ANK2: variants seen among roughly 807,000 people sequenced by gnomAD.
The protein encoded by ANK2 is ankyrin 2.
ANK2 carries 83 observed loss-of-function variants against 360.5 expected under a neutral mutation model. The observed-to-expected ratio is 0.23, with a 90% CI of 0.19 to 0.28. The LOEUF (loss-of-function observed/expected upper bound fraction) is 0.28, where lower values mean the gene tolerates loss of function less well. ANK2 is among the 10% of genes least tolerant of loss of function. The pLI is 1.00. For synonymous variants in ANK2, 1,740 were observed against 1,759.5 expected (o/e 0.99, Z 0.28); for missense variants, 4,201 against 4,795.7 (o/e 0.88, Z 3.66).
chr4:112,713,575 C>CA, the ANK2 span, among the ~76,000 whole-genome samples: 8 of 150,706 alleles, frequency 5.3e-5, no homozygotes, highest in South Asian at 2.1e-4. Flanking sequence ...GTCTCAAAAA[C>CA]AAAAAAAATT....
chr4:112,809,257 A>G, the ANK2 span, among the ~76,000 whole-genome samples: 1 of 149,168 alleles, frequency 6.7e-6, no homozygotes, highest in Non-Finnish European at 1.5e-5. Flanking sequence ...TAAATGTTAA[A>G]TGGTTAGAAA....
intron 1 of ANK2, among the ~76,000 whole-genome samples, chr4:112,818,571 A>G (rs1223455672): frequency 6.6e-6 from 1 of 152,140 alleles, no homozygotes; most frequent in East Asian, 1.9e-4. Context: ...CCAGCCCCAG[A>G]GTGGACTTGG....
chr4:113,055,758 G>C (rs2069405406), intron 1 of ANK2, among the ~76,000 whole-genome samples: 1 of 152,144 alleles, frequency 6.6e-6, no homozygotes, highest in African/African-American at 2.4e-5. Flanking sequence ...GTGCTGAAGA[G>C]ACCATAGACA....
At chr4:113,186,893 C>T (rs911577605) in intron 2 of ANK2, among the ~76,000 whole-genome samples, 1 of 150,550 alleles carries the variant, frequency 6.6e-6, no homozygotes, top group Non-Finnish European at 1.5e-5. Flanking sequence ...AGTGTAGAGC[C>T]TCATGTGGCA....
chr4:113,079,989 C>T, intron 1 of ANK2, among the ~76,000 whole-genome samples: 1 of 151,550 alleles, frequency 6.6e-6, no homozygotes, highest in East Asian at 1.9e-4. Context: ...GCCTCTGCCT[C>T]CCGGGTTTAA....
At chr4:112,883,517 G>C (rs2077391017) in intron 1 of ANK2, among the ~76,000 whole-genome samples, 1 of 152,064 alleles carries the variant, frequency 6.6e-6, no homozygotes, top group South Asian at 2.1e-4. Context: ...GGAATGTTTA[G>C]TAAAAACGAT....
intron 36 of ANK2, 110 bp from the exon 37 acceptor site, chr4:113,350,118 A>G: frequency 1.1e-6 from 1 of 948,352 alleles, no homozygotes; most frequent in African/African-American, 1.6e-5. Context: ...TCCTATAGCT[A>G]TGGTGTCACC....
intron 7 of ANK2, among the ~76,000 whole-genome samples, chr4:113,240,267 C>T (rs1173045153): frequency 6.6e-6 from 1 of 151,832 alleles, no homozygotes; most frequent in Non-Finnish European, 1.5e-5. Flanking sequence ...TAAAAATATG[C>T]CATGAATATT....
intron 1 of ANK2, among the ~76,000 whole-genome samples, chr4:113,110,115 T>C (rs1220802178): frequency 6.6e-6 from 1 of 152,176 alleles, no homozygotes; most frequent in Non-Finnish European, 1.5e-5. Context: ...GGAGATTTAA[T>C]GGACTCACAG....
At chr4:112,881,363 G>T (rs1448835341) in intron 1 of ANK2, among the ~76,000 whole-genome samples, 1 of 152,218 alleles carries the variant, frequency 6.6e-6, no homozygotes, top group Non-Finnish European at 1.5e-5. Flanking sequence ...TTGAGCCCAG[G>T]AGGTGGAGGT....
At chr4:112,970,671 A>G (rs2039198818) in intron 2 of ANK2, among the ~76,000 whole-genome samples, 1 of 152,226 alleles carries the variant, frequency 6.6e-6, no homozygotes, top group Admixed American at 6.5e-5. Flanking sequence ...CTATATATAC[A>G]CATATATATC....
At chr4:112,966,275 A>G (rs2037205845) in intron 2 of ANK2, among the ~76,000 whole-genome samples, 1 of 151,672 alleles carries the variant, frequency 6.6e-6, no homozygotes, top group Non-Finnish European at 1.5e-5. Flanking sequence ...CTCATTAAAA[A>G]ATTGAAATAT....
chr4:112,981,988 C>T (rs1223116667), intron 2 of ANK2, among the ~76,000 whole-genome samples: 1 of 152,078 alleles, frequency 6.6e-6, no homozygotes, highest in Non-Finnish European at 1.5e-5. Context: ...TTTATAGAAG[C>T]AGTGAAACTT....
intron 2 of ANK2, among the ~76,000 whole-genome samples, chr4:112,924,038 A>T (rs563183160): frequency 3.7e-4 from 56 of 152,362 alleles, no homozygotes; most frequent in African/African-American, 1.3e-3. Flanking sequence ...CTGACATTTT[A>T]AAACTAAGGG....
chr4:112,963,871 T>C lies in ANK2; in HGVS notation c.21+59357T>C, dbSNP rs189755348. ...ACACCAACATACTAAGAGAATTTAT[T>C]TCTATTATTTACGGTAGCCAACTAT... On this transcript the variant is annotated intron_variant, in intron 2 of 30. Transcript: ENST00000503271. 2.2e-3 allele frequency among the ~76,000 whole-genome samples: 335 copies of C among 152,022 alleles called. 1 individual carries two copies. The highest frequency in any genetic ancestry group is 7.3e-3 in the African/African-American group (304 of 41,488).
At chr4:113,035,722 A>G (rs1054188630) in intron 2 of ANK2, among the ~76,000 whole-genome samples, 1 of 151,070 alleles carries the variant, frequency 6.6e-6, no homozygotes, top group East Asian at 2.0e-4. Flanking sequence ...GAAGGCAGGG[A>G]GATAGCAAAT....
chr4:112,837,017 G>A (rs901502721), intron 1 of ANK2, among the ~76,000 whole-genome samples: 2 of 152,184 alleles, frequency 1.3e-5, no homozygotes, highest in East Asian at 3.8e-4. Context: ...AAGAAAATAG[G>A]GAAAATGTCT....
chr4:113,073,162 A>T (rs927182232), intron 1 of ANK2, among the ~76,000 whole-genome samples: 1 of 151,564 alleles, frequency 6.6e-6, no homozygotes, highest in Non-Finnish European at 1.5e-5. Context: ...GGGTTTCACC[A>T]TGTTGGCCAG....
intron 21 of ANK2, chr4:113,292,983 T>G (rs933534304): frequency 2.8e-6 from 1 of 352,834 alleles, no homozygotes; most frequent in East Asian, 7.4e-5. Context: ...CCTGTGTTAT[T>G]TTGCTGCACA....
Sources: allele counts gnomAD v4.1 joint callset (sites outside exome capture counted in the v4.1 genomes callset), GRCh38; gene constraint gnomAD v4.1.1; transcripts MANE v1.5; gene names NCBI Gene and HGNC (gene_info 2026-07-23, HGNC 2026-07-21).